The following UBN1 variants were observed in gnomAD, a reference collection of about 807,000 sequenced individuals.
UBN1 encodes ubinuclein 1, also known as ubinuclein-1.
Under a neutral mutation model 108.5 loss-of-function variants are expected in UBN1, and 17 were observed. The ratio of observed to expected loss-of-function variants is 0.16; its 90% confidence interval spans 0.11 to 0.24. The LOEUF (loss-of-function observed/expected upper bound fraction) is 0.24. Ranked by LOEUF, UBN1 falls within the 10% of genes least tolerant of loss-of-function variation. The probability of loss-of-function intolerance (pLI) is 1.00; values close to 1 mark genes in which losing one functional copy is unlikely to be tolerated. For synonymous variants in UBN1, 726 were observed against 564.2 expected (o/e 1.29, Z -4.07); for missense variants, 1,595 against 1,394.4 (o/e 1.14, Z -2.29).
intron 17 of UBN1, among the ~76,000 whole-genome samples, chr16:4,879,710 G>A (rs1482873373): frequency 2.6e-5 from 4 of 152,202 alleles, no homozygotes; most frequent in African/African-American, 7.2e-5. Flanking sequence ...AGGACCTGAG[G>A]GTCTTTTGAT....
chr16:4,880,380 A>T lies in UBN1; in HGVS notation c.*248A>T, dbSNP rs2088042801. On this transcript the variant is annotated 3_prime_UTR_variant, in exon 18 of 18. Coordinates refer to ENST00000262376, the MANE Select transcript of UBN1 (RefSeq NM_001079514.3). ...AGCTCTGTCGCTAGACGGTTGTTAG[A>T]GGGGCAGCTCTAGGCTGGGGCTTGC... 3 of 503,732 alleles carry T rather than the reference A, an allele frequency of 6.0e-6. No individual in the cohort carries two copies. The Admixed American group carries it at 9.5e-5, about 16-fold the overall frequency. The allele number at this position is 503,732 out of a possible 1,614,324, so 31.2% of individuals were successfully genotyped here.
chr16:4,850,432 T>G (rs1423555824), intron 1 of UBN1, among the ~76,000 whole-genome samples: 1 of 152,198 alleles, frequency 6.6e-6, no homozygotes, highest in Non-Finnish European at 1.5e-5. Context: ...ATCCCATTGG[T>G]TAACTTGCTG....
At chr16:4,853,784 A>T (rs2086666750) in intron 2 of UBN1, among the ~76,000 whole-genome samples, 1 of 151,844 alleles carries the variant, frequency 6.6e-6, no homozygotes, top group Admixed American at 6.6e-5. Flanking sequence ...CTGGTCTCAA[A>T]CTCCTGGCCT....
chr16:4,847,762 C>G lies in UBN1; in HGVS notation c.-488C>G, dbSNP rs977993412. 1.9e-5 allele frequency: 3 copies of G among 154,458 alleles called. No homozygotes were observed. The highest frequency in any genetic ancestry group is 7.2e-5 in the African/African-American group (3 of 41,606). 9.6% of individuals were successfully genotyped at this position (154,458 alleles called of 1,614,324 possible). On this transcript the variant is annotated 5_prime_UTR_variant, in exon 1 of 18. Coordinates refer to ENST00000262376, the MANE Select transcript of UBN1 (RefSeq NM_001079514.3). Reference sequence around the variant, plus strand: ...AGCTCGGCGCGGCCTGGAACTCAGCCTCCGCCGGGTCTGGGCTCCCGCGCC... The same window carrying G: ...AGCTCGGCGCGGCCTGGAACTCAGCGTCCGCCGGGTCTGGGCTCCCGCGCC...
chr16:4,857,368 A>AT (rs2086865798), intron 2 of UBN1, among the ~76,000 whole-genome samples: 1 of 150,896 alleles, frequency 6.6e-6, no homozygotes, highest in Admixed American at 6.6e-5. Context: ...AAAAAAAAAA[A>AT]ATTTTTTTTT....
intron 1 of UBN1, among the ~76,000 whole-genome samples, chr16:4,849,330 G>T (rs766340424): frequency 3.3e-5 from 5 of 152,050 alleles, no homozygotes; most frequent in Non-Finnish European, 7.4e-5. Context: ...TGGATGATAG[G>T]TCTGCCTATT....
At chr16:4,869,013 A>G (rs1376434202) in intron 8 of UBN1, 110 bp downstream of exon 8, 3 of 1,011,834 alleles carry the variant, frequency 3.0e-6, no homozygotes, top group East Asian at 2.7e-5. Flanking sequence ...AAAGGTGACC[A>G]CCAAGGAGAT....
intron 7 of UBN1, among the ~76,000 whole-genome samples, chr16:4,864,725 C>T (rs1485374613): frequency 2.0e-5 from 3 of 152,116 alleles, no homozygotes; most frequent in Non-Finnish European, 2.9e-5. Context: ...TCTCTTTAGT[C>T]AAGCATAACA....
At position 4,880,135 on chromosome 16, in the gene UBN1, G is replaced by C; in HGVS notation, c.*3G>C. 2 of 1,613,932 alleles carry C rather than the reference G, an allele frequency of 1.2e-6. No homozygotes were observed. Among genetic ancestry groups the C allele is most frequent in the Non-Finnish European group, 1.7e-6 (2 of 1,179,966 alleles). ...CTGCTGTACCACGGAAATTGTGACC[G>C]CTTCAGAGGCAAGGCTTGCCACTTG... On this transcript the variant is annotated 3_prime_UTR_variant, in exon 18 of 18. Transcript: ENST00000262376.
chr16:4,854,716 T>G (rs1201897151), intron 2 of UBN1, among the ~76,000 whole-genome samples: 1 of 150,380 alleles, frequency 6.6e-6, no homozygotes, highest in East Asian at 2.0e-4. Context: ...GAGTACCGCC[T>G]AGGTGAAAAG....
chr16:4,863,807 G>C (rs954390083), intron 7 of UBN1, among the ~76,000 whole-genome samples: 1 of 152,156 alleles, frequency 6.6e-6, no homozygotes, highest in African/African-American at 2.4e-5. Context: ...GTGCTGGCAG[G>C]GCTTTTCTTT....
At chr16:4,879,465 T>A (rs986173917) in intron 17 of UBN1, among the ~76,000 whole-genome samples, 3 of 152,180 alleles carry the variant, frequency 2.0e-5, no homozygotes, top group African/African-American at 7.2e-5. Flanking sequence ...AAATTTTTTT[T>A]AATCAGTTTA....
Position 4,875,412 on chromosome 16 carries a change from T to G in UBN1, c.3002T>G (p.Val1001Gly), listed in dbSNP as rs769049651. ...PSLKPSAVSS[V>G]TSSTSLSKGA... ...CTAAAGCCCTCTGCAGTTAGTAGTG[T>G]GACATCGTCTACCTCCTTGTCAGTG... Residue 1001 changes from valine to glycine, a missense_variant, in exon 15 of 18, where the codon GTG becomes GGG. This residue lies in a region of UBN1 where 1,398 missense variants were observed against 1,194.7 expected (regional missense o/e 1.17). Coordinates refer to ENST00000262376, the MANE Select transcript of UBN1 (RefSeq NM_001079514.3). 6.2e-7 allele frequency: 1 copy of G among 1,612,460 alleles called. No homozygotes were observed. Among genetic ancestry groups the G allele is most frequent in the Admixed American group, 1.7e-5 (1 of 59,974 alleles).
Position 4,876,924 on chromosome 16 carries a change from C to T in UBN1, c.3078C>T (p.Pro1026=), listed in dbSNP as rs565035013. 8.4e-5 allele frequency: 136 copies of T among 1,614,020 alleles called. 2 individuals carry two copies. In the South Asian group the frequency reaches 1.4e-3, roughly 17 times the overall value. The part of the protein sequence containing the change: ...LLAGSSLMAS[P]YKSSSPKLSG... The stretch of plus-strand genomic sequence containing the variant: ...CCGGCTCCTCTTTGATGGCTTCACC[C>T]TACAAATCCAGCAGCCCAAAGCTGT... The change falls in exon 16 of 18, where the codon CCC becomes CCT. Residue 1026 remains proline, a synonymous_variant. Transcript: ENST00000262376.
chr16:4,859,250 G>C, intron 5 of UBN1, 91 bp downstream of exon 5: 1 of 1,524,288 alleles, frequency 6.6e-7, no homozygotes, highest in South Asian at 1.3e-5. Flanking sequence ...CGTGGCGCTT[G>C]GCCGGCTCAG....
intron 2 of UBN1, among the ~76,000 whole-genome samples, chr16:4,857,221 A>G (rs1332912840): frequency 6.6e-6 from 1 of 151,816 alleles, no homozygotes; most frequent in East Asian, 1.9e-4. Flanking sequence ...ATAGTGTTGT[A>G]TGCCTATAGT....
intron 6 of UBN1, 57 bp downstream of exon 6, chr16:4,860,025 C>T: frequency 6.2e-7 from 1 of 1,601,776 alleles, no homozygotes; most frequent in South Asian, 1.1e-5. Context: ...GGCAGGACGA[C>T]TGGGAGCTGA....
Position 4,859,014 on chromosome 16 carries a change from C to A in UBN1, c.433-11C>A. On this transcript the variant is annotated splice_polypyrimidine_tract_variant and intron_variant, in intron 4 of 17. Coordinates refer to ENST00000262376, the MANE Select transcript of UBN1 (RefSeq NM_001079514.3). Reference sequence around the variant, plus strand: ...AGAACTTGGAGCTGACAGTTTGTTTCCCATCTTCAGTATGATGAGCTTGTT... The same window carrying A: ...AGAACTTGGAGCTGACAGTTTGTTTACCATCTTCAGTATGATGAGCTTGTT... The A allele has an allele frequency of 6.2e-7, 1 of 1,610,804 alleles. No individual in the cohort carries two copies. Among genetic ancestry groups the A allele is most frequent in the South Asian group, 1.1e-5 (1 of 90,258 alleles).
intron 7 of UBN1, among the ~76,000 whole-genome samples, chr16:4,862,024 G>T (rs911988483): frequency 2.6e-5 from 4 of 152,230 alleles, no homozygotes; most frequent in African/African-American, 7.2e-5. Flanking sequence ...TAAGCACTGA[G>T]AATTGTCTGT....
Sources: allele counts gnomAD v4.1 joint callset (sites outside exome capture counted in the v4.1 genomes callset), GRCh38; gene constraint gnomAD v4.1.1; regional missense constraint gnomAD v4.1.1; transcripts MANE v1.5; gene names NCBI Gene and HGNC (gene_info 2026-07-23, HGNC 2026-07-21).